Variants in MMP16 observed in about 807,000 individuals in gnomAD.
The protein encoded by MMP16 is matrix metallopeptidase 16.
A neutral mutation model predicts 67.8 loss-of-function variants in MMP16; 12 were observed. That is an observed-to-expected ratio of 0.18 (90% CI 0.11 to 0.29). The LOEUF (loss-of-function observed/expected upper bound fraction) is 0.29, where lower values mean the gene tolerates loss of function less well. Among genes scored for constraint, MMP16 ranks in the 10% least tolerant of loss-of-function variants. MMP16 has a pLI of 1.00. For missense variants in MMP16, 475 were observed against 765.7 expected (o/e 0.62, Z 4.48); for synonymous variants, 249 against 255.9 (o/e 0.97, Z 0.26).
intron 7 of MMP16, among the ~76,000 whole-genome samples, chr8:88,071,385 T>C (rs528660610): frequency 6.6e-6 from 1 of 151,976 alleles, no homozygotes; most frequent in Non-Finnish European, 1.5e-5. Context: ...AATACAGAGT[T>C]AAATACATTT....
intron 6 of MMP16, among the ~76,000 whole-genome samples, chr8:88,090,535 C>T (rs2251752): frequency 0.99 from 150,824 of 151,954 alleles, 74,862 homozygotes; most frequent in Middle Eastern, 1. Context: ...CAGTGAGTTA[C>T]GCACAAAATG....
Position 88,056,309 on chromosome 8 carries a change from ATTAAT to A in MMP16, c.1223-36_1223-32del, listed in dbSNP as rs1276482480. The A allele has an allele frequency of 4.0e-6, 5 of 1,241,276 alleles. No homozygotes were observed. The African/African-American group carries it at 4.7e-5, about 12-fold the overall frequency. 76.9% of individuals were successfully genotyped at this position (1,241,276 alleles called of 1,614,324 possible). ...TGGAATAAGTGTAAATGTAGAATAT[ATTAAT>A]TTAATGTCATAATTAGAATATATCT... is the stretch of plus-strand genomic sequence containing the variant. On this transcript the variant is annotated intron_variant, in intron 7 of 9. Coordinates refer to ENST00000286614, the MANE Select transcript of MMP16 (RefSeq NM_005941.5).
chr8:88,113,439 A>G (rs115309764), intron 6 of MMP16, among the ~76,000 whole-genome samples: 1 of 151,866 alleles, frequency 6.6e-6, no homozygotes, highest in Non-Finnish European at 1.5e-5. Flanking sequence ...AAACGAAAGT[A>G]GAAAATCAAC....
chr8:88,200,704 A>G (rs534593632), intron 1 of MMP16, among the ~76,000 whole-genome samples: 88 of 151,964 alleles, frequency 5.8e-4, no homozygotes, highest in Non-Finnish European at 1.1e-3. Flanking sequence ...TTCATTAATG[A>G]ATTCATTAAT....
In MMP16 at chr8:88,276,795, T is replaced by C. The variant is rs28904572; in HGVS notation, c.132+50280A>G. On this transcript the variant is annotated intron_variant, in intron 1 of 9. Transcript: ENST00000286614. ...AATAAGAGAACCCGAGTAAGATTTA[T>C]TAACCACTCTGCATTGGTTAAATTA... 9.5e-3 allele frequency among the ~76,000 whole-genome samples: 1,448 copies of C among 152,246 alleles called. 25 individuals are homozygous for C. The highest frequency in any genetic ancestry group is 0.033 in the African/African-American group (1,375 of 41,570).
chr8:88,092,166 T>C (rs924593535), intron 6 of MMP16, among the ~76,000 whole-genome samples: 2 of 151,882 alleles, frequency 1.3e-5, no homozygotes, highest in East Asian at 3.9e-4. Context: ...ACAACTCTAC[T>C]GGTGTAGTCA....
chr8:88,187,808 C>T (rs1809098143), intron 2 of MMP16, among the ~76,000 whole-genome samples: 2 of 152,176 alleles, frequency 1.3e-5, no homozygotes, highest in Non-Finnish European at 2.9e-5. Context: ...ATTCTGACCC[C>T]AGTAATGTAG....
At chr8:88,050,554 A>G (rs185508595) in intron 8 of MMP16, among the ~76,000 whole-genome samples, 2 of 152,186 alleles carry the variant, frequency 1.3e-5, no homozygotes, top group Admixed American at 1.3e-4. Flanking sequence ...CTTTTATATC[A>G]CATATTACAA....
chr8:88,301,220 T>C (rs1213523166), intron 1 of MMP16, among the ~76,000 whole-genome samples: 1 of 152,142 alleles, frequency 6.6e-6, no homozygotes, highest in Non-Finnish European at 1.5e-5. Flanking sequence ...AGTGATAACA[T>C]GCCGGGGGGA....
chr8:88,298,280 T>C (rs772431437), intron 1 of MMP16, among the ~76,000 whole-genome samples: 1 of 152,146 alleles, frequency 6.6e-6, no homozygotes, highest in Non-Finnish European at 1.5e-5. Flanking sequence ...GTTAGGATAG[T>C]GTAAGAAGGC....
chr8:88,146,101 A>C (rs2118513474), intron 4 of MMP16, among the ~76,000 whole-genome samples: 1 of 152,078 alleles, frequency 6.6e-6, no homozygotes, highest in Non-Finnish European at 1.5e-5. Context: ...CTTTGTCAAA[A>C]TTACACTTTT....
intron 4 of MMP16, among the ~76,000 whole-genome samples, chr8:88,126,670 C>T (rs376900030): frequency 1.4e-4 from 21 of 151,816 alleles, no homozygotes; most frequent in East Asian, 1.2e-3. Context: ...TGTTTATATA[C>T]GGAATCATTA....
intron 1 of MMP16, among the ~76,000 whole-genome samples, chr8:88,321,265 C>T (rs1406465951): frequency 6.6e-6 from 1 of 152,018 alleles, no homozygotes; most frequent in Non-Finnish European, 1.5e-5. Context: ...AATTTCACTA[C>T]AAAATATGTG....
chr8:88,107,561 G>T (rs552525123), intron 6 of MMP16, among the ~76,000 whole-genome samples: 1 of 151,056 alleles, frequency 6.6e-6, no homozygotes, highest in African/African-American at 2.4e-5. Flanking sequence ...TTTAAGGATG[G>T]ATACAAAGAG....
rs1456896023 is a variant in MMP16, at chr8:88,034,320, G to A, written c.*7141C>T. The A allele has an allele frequency of 6.6e-6, 1 of 151,688 alleles. No individual in the cohort carries two copies. The highest frequency in any genetic ancestry group is 1.9e-4 in the East Asian group (1 of 5,160). The allele number at this position is 151,688 out of a possible 1,614,324, so 9.4% of individuals were successfully genotyped here. On this transcript the variant is annotated 3_prime_UTR_variant, in exon 10 of 10. Coordinates refer to ENST00000286614, the MANE Select transcript of MMP16 (RefSeq NM_005941.5). ...ACTGCATAGGACAACTCAATAAGAT[G>A]TATCTTTCCCAACCATCTGTATTTT...
chr8:88,283,778 A>C (rs139163308), intron 1 of MMP16, among the ~76,000 whole-genome samples: 1 of 152,168 alleles, frequency 6.6e-6, no homozygotes, highest in Admixed American at 6.5e-5. Flanking sequence ...ACATATAAAA[A>C]TTTACTCATA....
intron 7 of MMP16, among the ~76,000 whole-genome samples, chr8:88,056,669 G>T (rs147173286): frequency 6.6e-6 from 1 of 152,174 alleles, no homozygotes; most frequent in African/African-American, 2.4e-5. Context: ...TTGAGCAACG[G>T]GTATGCCCTC....
At chr8:88,229,823 T>C (rs1809830561) in intron 1 of MMP16, among the ~76,000 whole-genome samples, 1 of 152,088 alleles carries the variant, frequency 6.6e-6, no homozygotes, top group African/African-American at 2.4e-5. Context: ...CAAGTCTAAA[T>C]GACCGAGAGA....
chr8:88,109,580 G>A (rs1474991590), intron 6 of MMP16, among the ~76,000 whole-genome samples: 2 of 151,262 alleles, frequency 1.3e-5, no homozygotes, highest in Non-Finnish European at 3.0e-5. Context: ...GAGGTCAACA[G>A]TGGCACATTC....
Sources: gnomAD v4.1 joint callset for allele counts (sites outside exome capture counted in the v4.1 genomes callset) on GRCh38, gnomAD v4.1.1 for gene constraint, MANE v1.5 for transcripts, NCBI Gene and HGNC (gene_info 2026-07-23, HGNC 2026-07-21) for gene names.